The following ROBO2 variants were observed in gnomAD, a reference collection of about 807,000 sequenced individuals.
ROBO2 encodes the protein roundabout homolog 2.
Under a neutral mutation model 160.8 loss-of-function variants are expected in ROBO2, and 53 were observed. The observed-to-expected ratio is 0.33, with a 90% confidence interval of 0.26 to 0.41. The LOEUF is 0.41. Among genes scored for constraint, ROBO2 ranks in the 10% least tolerant of loss-of-function variants. ROBO2 has a pLI of 1.00. For missense variants in ROBO2, 1,577 were observed against 1,722.4 expected (o/e 0.92, Z 1.49); for synonymous variants, 664 against 611.7 (o/e 1.09, Z -1.26).
chr3:76,057,751 C>A (rs1156489236), intron 2 of ROBO2, among the ~76,000 whole-genome samples: 5 of 151,442 alleles, frequency 3.3e-5, no homozygotes, highest in Admixed American at 1.3e-4. Flanking sequence ...TTTGTCTTAT[C>A]TTTCCTTGTT....
At chr3:76,524,732 T>A (rs897751549) in intron 2 of ROBO2, among the ~76,000 whole-genome samples, 3 of 148,664 alleles carry the variant, frequency 2.0e-5, no homozygotes, top group African/African-American at 7.4e-5. Context: ...ATTTATTAAA[T>A]GTTGTTTCCC....
chr3:76,473,513 T>C (rs1306354655), intron 2 of ROBO2, among the ~76,000 whole-genome samples: 3 of 152,190 alleles, frequency 2.0e-5, no homozygotes, highest in Non-Finnish European at 4.4e-5. Flanking sequence ...GAATGATTTA[T>C]AAGTTTTGGA....
At chr3:76,218,844 C>T (rs1398686149) in intron 2 of ROBO2, among the ~76,000 whole-genome samples, 1 of 152,104 alleles carries the variant, frequency 6.6e-6, no homozygotes, top group Non-Finnish European at 1.5e-5. Context: ...AAAAAGAGCC[C>T]ACATCGCCAA....
intron 11 of ROBO2, 59 bp from the exon 13 acceptor site, chr3:77,564,895 A>G: frequency 6.6e-7 from 1 of 1,521,450 alleles, no homozygotes; most frequent in Non-Finnish European, 9.0e-7. Flanking sequence ...TTGATACCCA[A>G]CTCCATTTCC....
intron 2 of ROBO2, among the ~76,000 whole-genome samples, chr3:77,120,762 A>G (rs979434631): frequency 2.0e-5 from 3 of 152,166 alleles, no homozygotes; most frequent in Admixed American, 6.5e-5. Context: ...AAAAGATAAG[A>G]AAAAGCAACT....
At chr3:77,113,198 C>T (rs2073849997) in intron 2 of ROBO2, among the ~76,000 whole-genome samples, 1 of 152,288 alleles carries the variant, frequency 6.6e-6, no homozygotes, top group African/African-American at 2.4e-5. Context: ...TTCCCCAGGA[C>T]CCATGTGTCC....
intron 2 of ROBO2, among the ~76,000 whole-genome samples, chr3:76,152,843 T>C (rs1049372152): frequency 1.4e-4 from 21 of 152,228 alleles, no homozygotes; most frequent in African/African-American, 5.1e-4. Context: ...TATTGCTTTT[T>C]ATTGTTTCCA....
intron 2 of ROBO2, among the ~76,000 whole-genome samples, chr3:76,800,092 A>T (rs2064082978): frequency 6.6e-6 from 1 of 152,224 alleles, no homozygotes; most frequent in South Asian, 2.1e-4. Context: ...CTCATTTTTG[A>T]CAAAGGTGTC....
At chr3:76,270,477 A>C (rs922418848) in intron 2 of ROBO2, among the ~76,000 whole-genome samples, 1 of 152,054 alleles carries the variant, frequency 6.6e-6, no homozygotes, top group African/African-American at 2.4e-5. Flanking sequence ...ACGATGTAGC[A>C]AGATTGCATT....
intron 2 of ROBO2, among the ~76,000 whole-genome samples, chr3:76,250,402 T>C (rs1025105587): frequency 5.0e-4 from 76 of 152,210 alleles, no homozygotes; most frequent in African/African-American, 1.8e-3. Context: ...GACATTCCTT[T>C]TCATTAGAGA....
intron 2 of ROBO2, among the ~76,000 whole-genome samples, chr3:76,281,106 C>A (rs894233536): frequency 1.3e-5 from 2 of 151,824 alleles, no homozygotes; most frequent in Admixed American, 6.6e-5. Flanking sequence ...TTTATCATAT[C>A]AAAAATAATA....
intron 2 of ROBO2, among the ~76,000 whole-genome samples, chr3:76,516,589 T>C (rs1227840359): frequency 6.6e-6 from 1 of 152,126 alleles, no homozygotes; most frequent in Non-Finnish European, 1.5e-5. Context: ...TGTTCTCTTG[T>C]GTACTCTCCG....
chr3:76,269,703 G>T (rs1342106892), intron 2 of ROBO2, among the ~76,000 whole-genome samples: 1 of 151,306 alleles, frequency 6.6e-6, no homozygotes, highest in East Asian at 1.9e-4. Context: ...TTACATTTTT[G>T]TAAAGGCCAG....
intron 5 of ROBO2, among the ~76,000 whole-genome samples, chr3:77,518,535 G>A (rs1021576489): frequency 6.6e-6 from 1 of 151,480 alleles, no homozygotes; most frequent in Admixed American, 6.6e-5. Context: ...CTTCTAGTTG[G>A]AGAAAGACAA....
At chr3:76,766,394 A>C (rs942822669) in intron 2 of ROBO2, among the ~76,000 whole-genome samples, 3 of 151,708 alleles carry the variant, frequency 2.0e-5, no homozygotes, top group African/African-American at 4.8e-5. Flanking sequence ...AATAATGTGA[A>C]GAAGGCCAGC....
intron 2 of ROBO2, among the ~76,000 whole-genome samples, chr3:76,237,720 G>C (rs1423426661): frequency 6.6e-6 from 1 of 152,152 alleles, no homozygotes; most frequent in Non-Finnish European, 1.5e-5. Context: ...CCCAGGAACA[G>C]AAAGAAATAG....
chr3:77,596,264 GTC>G (rs2094301278), intron 18 of ROBO2, among the ~76,000 whole-genome samples: 1 of 152,138 alleles, frequency 6.6e-6, no homozygotes, highest in African/African-American at 2.4e-5. Flanking sequence ...ATAGCCCAAA[GTC>G]TTAGAAATGG....
At chr3:77,061,412 CT>C (rs1317804007) in intron 1 of ROBO2, among the ~76,000 whole-genome samples, 2 of 152,042 alleles carry the variant, frequency 1.3e-5, no homozygotes, top group African/African-American at 2.4e-5. Context: ...AAATTTTTAA[CT>C]TTTTTTCCTA....
chr3:77,275,801 C>G (rs2059789556), intron 2 of ROBO2, among the ~76,000 whole-genome samples: 1 of 151,910 alleles, frequency 6.6e-6, no homozygotes, highest in African/African-American at 2.4e-5. Context: ...AATATGATAC[C>G]AAATATATCC....
Sources: allele counts gnomAD v4.1 joint callset (sites outside exome capture counted in the v4.1 genomes callset), GRCh38; gene constraint gnomAD v4.1.1; transcripts MANE v1.5; gene names NCBI Gene and HGNC (gene_info 2026-07-23, HGNC 2026-07-21).